Variants in COL4A2 observed in about 807,000 individuals in gnomAD.
COL4A2 encodes collagen type IV alpha 2 chain.
Under a neutral mutation model 200.2 loss-of-function variants are expected in COL4A2, and 99 were observed. The observed-to-expected ratio is 0.49, with a 90% CI of 0.42 to 0.58. COL4A2 has a LOEUF of 0.58. Among genes scored for constraint, COL4A2 ranks in the 20% least tolerant of loss-of-function variants. The probability of loss-of-function intolerance (pLI) is 0.00; values close to 1 mark genes in which losing one functional copy is unlikely to be tolerated. For missense variants in COL4A2, 1,950 were observed against 2,314.1 expected, an observed-to-expected ratio of 0.84 and a Z score of 3.23; for synonymous variants, 897 against 900.6, an observed-to-expected ratio of 1.00 and a Z score of 0.07.
chr13:110,415,927 C>G (rs1200633058), intron 4 of COL4A2, among the ~76,000 whole-genome samples: 1 of 152,240 alleles, frequency 6.6e-6, no homozygotes, highest in Non-Finnish European at 1.5e-5. Flanking sequence ...ATGCCATGCT[C>G]TTGGGTGTGA....
Position 110,428,589 on chromosome 13 carries a change from T to C in COL4A2, c.477+6T>C, listed in dbSNP as rs767657711. 2 of 1,490,702 alleles carry C rather than the reference T, an allele frequency of 1.3e-6. No homozygotes were observed. Among genetic ancestry groups the C allele is most frequent in the East Asian group, 2.6e-5 (1 of 38,836 alleles). 92.3% of individuals were successfully genotyped at this position (1,490,702 alleles called of 1,614,324 possible). A position where few individuals can be genotyped will look rare whatever the true frequency, so the allele number is the denominator to read the frequency against. On this transcript the variant is annotated splice_donor_region_variant and intron_variant, in intron 7 of 47. Transcript: ENST00000360467. ...AGGGGTTCACCGGGCCTCCCGTGAGTATCCCCACAGCGCCTGTGCTCCAGG... is the reference window on the plus strand; with the variant it reads ...AGGGGTTCACCGGGCCTCCCGTGAGCATCCCCACAGCGCCTGTGCTCCAGG...
At chr13:110,454,800 G>A (rs77431641) in intron 20 of COL4A2, among the ~76,000 whole-genome samples, 3 of 152,262 alleles carry the variant, frequency 2.0e-5, no homozygotes, top group African/African-American at 7.2e-5. Flanking sequence ...TGTTCTGTGT[G>A]CTGAGCTACT....
chr13:110,376,142 G>T lies in COL4A2; in HGVS notation c.180+18590G>T, dbSNP rs180811226. On this transcript the variant is annotated intron_variant, in intron 4 of 47. Transcript: ENST00000360467. ...ATTTGGGGAGACACGATAGCTTGCA[G>T]TGCAGAGTGGCCTCCTGCTTGTTCA... is the stretch of plus-strand genomic sequence containing the variant. 1.9e-3 allele frequency among the ~76,000 whole-genome samples: 293 copies of T among 152,324 alleles called. 2 individuals are homozygous for T. The highest frequency in any genetic ancestry group is 6.7e-3 in the African/African-American group (278 of 41,578).
intron 4 of COL4A2, among the ~76,000 whole-genome samples, chr13:110,408,965 A>G (rs1213447705): frequency 4.7e-5 from 1 of 21,458 alleles, no homozygotes; most frequent in Non-Finnish European, 8.7e-5. Context: ...ACATACACAT[A>G]ACGCACATAT....
chr13:110,478,206 G>C (rs1882767717), intron 30 of COL4A2, 42 bp downstream of exon 30: 1 of 1,478,180 alleles, frequency 6.8e-7, no homozygotes, highest in Non-Finnish European at 9.0e-7. Context: ...GGTCCTCACT[G>C]GTCCTGCCAA....
intron 46 of COL4A2, 110 bp downstream of exon 46, chr13:110,506,716 C>G: frequency 8.6e-7 from 1 of 1,164,154 alleles, no homozygotes. Flanking sequence ...GGTAAGTTCC[C>G]CTGACGGAAG....
At chr13:110,319,971 T>C (rs1184859598) in intron 3 of COL4A2, among the ~76,000 whole-genome samples, 2 of 152,230 alleles carry the variant, frequency 1.3e-5, no homozygotes, top group Non-Finnish European at 2.9e-5. Flanking sequence ...GATATGTCAA[T>C]TTCCTGCCGG....
chr13:110,467,553 T>C (rs923462429), intron 27 of COL4A2, among the ~76,000 whole-genome samples: 7 of 152,272 alleles, frequency 4.6e-5, no homozygotes, highest in Non-Finnish European at 1.0e-4. Flanking sequence ...TGGGAGGACC[T>C]GGGCTTCTAT....
At chr13:110,336,358 T>A (rs926543522) in intron 3 of COL4A2, among the ~76,000 whole-genome samples, 1 of 152,154 alleles carries the variant, frequency 6.6e-6, no homozygotes, top group Non-Finnish European at 1.5e-5. Context: ...TTCAAAAAAA[T>A]GGGAAGCGAA....
intron 16 of COL4A2, among the ~76,000 whole-genome samples, chr13:110,440,545 G>A (rs983531152): frequency 6.6e-6 from 1 of 152,114 alleles, no homozygotes; most frequent in East Asian, 1.9e-4. Flanking sequence ...ACAGTGAGCC[G>A]AGATCGCGCC....
rs1473826075 is a variant in COL4A2, at chr13:110,507,937, C to T, written c.4597C>T (p.Leu1533=). ...TCTCATGACCCCTCCTTCCACAGGG[C>T]TGGCGGGCTCCTGCCTGGCGCGGTT... ...QEKAHNQDLG[L]AGSCLARFST... is the part of the protein sequence containing the mutation. Residue 1533 remains leucine (L), a splice_region_variant and synonymous_variant, in exon 47 of 48, where the codon CTG becomes TTG. Coordinates refer to ENST00000360467, the MANE Select transcript of COL4A2 (RefSeq NM_001846.4). 6.2e-7 allele frequency: 1 copy of T among 1,613,324 alleles called. No homozygotes were observed. Among genetic ancestry groups the T allele is most frequent in the East Asian group, 2.2e-5 (1 of 44,858 alleles).
intron 3 of COL4A2, among the ~76,000 whole-genome samples, chr13:110,330,080 A>G (rs1324007784): frequency 1.3e-5 from 2 of 152,220 alleles, no homozygotes; most frequent in Non-Finnish European, 2.9e-5. Context: ...AAGCACTGTG[A>G]CAGTTTTCTA....
At chr13:110,449,597 T>C (rs371612569) in intron 18 of COL4A2, 82 bp from the exon 19 acceptor site, 3 of 1,308,814 alleles carry the variant, frequency 2.3e-6, no homozygotes, top group Non-Finnish European at 3.1e-6. Context: ...TTGGTAAATA[T>C]GTAGTCAATG....
At chr13:110,489,591 TG>T in intron 35 of COL4A2, 83 bp downstream of exon 35, 1 of 1,585,468 alleles carries the variant, frequency 6.3e-7, no homozygotes, top group Non-Finnish European at 8.7e-7. Context: ...GACCTGCAAG[TG>T]CTGTTAGGTA....
At chr13:110,337,650 G>A (rs1876261812) in intron 3 of COL4A2, among the ~76,000 whole-genome samples, 1 of 152,174 alleles carries the variant, frequency 6.6e-6, no homozygotes, top group Non-Finnish European at 1.5e-5. Context: ...CCACACCCTT[G>A]CTATCCAAAA....
chr13:110,320,858 A>G (rs1885256898), intron 3 of COL4A2, among the ~76,000 whole-genome samples: 1 of 152,146 alleles, frequency 6.6e-6, no homozygotes, highest in African/African-American at 2.4e-5. Flanking sequence ...TTCAGGCAAC[A>G]TTTTTGCCTT....
In COL4A2 at chr13:110,488,053, G is replaced by A. The variant is rs574563141; in HGVS notation, c.3208-1392G>A. ...GTTTTGTTTTGTTTTTTGAGACAGA[G>A]TCTCACTCTGTCACCCAGGCTGGAG... On this transcript the variant is annotated intron_variant, in intron 34 of 47. Coordinates refer to ENST00000360467, the MANE Select transcript of COL4A2 (RefSeq NM_001846.4). Among the ~76,000 whole-genome samples the A allele has an allele frequency of 2.2e-4, 33 of 152,250 alleles. 1 individual carries two copies. The South Asian group carries it at 6.4e-3, about 30-fold the overall frequency.
intron 4 of COL4A2, among the ~76,000 whole-genome samples, chr13:110,377,729 C>T (rs1186536261): frequency 1.3e-5 from 2 of 152,086 alleles, no homozygotes; most frequent in African/African-American, 4.8e-5. Flanking sequence ...CTTGGTGAAA[C>T]AATACTAAAA....
intron 4 of COL4A2, among the ~76,000 whole-genome samples, chr13:110,411,680 T>C (rs1024360784): frequency 6.6e-6 from 1 of 152,198 alleles, no homozygotes; most frequent in South Asian, 2.1e-4. Flanking sequence ...ATACATTGTT[T>C]ATTTTTGTAG....
Sources: allele counts gnomAD v4.1 joint callset (sites outside exome capture counted in the v4.1 genomes callset), GRCh38; gene constraint gnomAD v4.1.1; transcripts MANE v1.5; gene names NCBI Gene and HGNC (gene_info 2026-07-23, HGNC 2026-07-21).